FOXP2: variants seen among roughly 807,000 people sequenced by gnomAD.
The protein encoded by FOXP2 is forkhead box protein P2.
A neutral mutation model predicts 115.8 loss-of-function variants in FOXP2; 12 were observed. The ratio of observed to expected loss-of-function variants is 0.10; its 90% CI spans 0.07 to 0.17. FOXP2 has a LOEUF of 0.17. Ranked by LOEUF, FOXP2 falls within the 10% of genes least tolerant of loss-of-function variation. FOXP2 has a pLI of 1.00. For synonymous variants in FOXP2, 328 were observed against 297.7 expected (o/e 1.10, Z -1.05); for missense variants, 629 against 843.5 (o/e 0.75, Z 3.15).
chr7:114,236,841 G>A (rs1400741910), intron 1 of FOXP2, among the ~76,000 whole-genome samples: 1 of 152,066 alleles, frequency 6.6e-6, no homozygotes, highest in African/African-American at 2.4e-5. Context: ...GCTGGGCGTG[G>A]TGGTGGACAC....
At chr7:114,419,548 T>G (rs1793504403) in intron 1 of FOXP2, among the ~76,000 whole-genome samples, 1 of 151,898 alleles carries the variant, frequency 6.6e-6, no homozygotes, top group Non-Finnish European at 1.5e-5. Flanking sequence ...GCTATTTAGA[T>G]CAGACCATGG....
chr7:114,641,777 GTATT>G (rs964386599), intron 6 of FOXP2, among the ~76,000 whole-genome samples: 3 of 151,528 alleles, frequency 2.0e-5, no homozygotes, highest in African/African-American at 4.8e-5. Flanking sequence ...ATTTTTATTT[GTATT>G]TATTTATTTA....
intron 3 of FOXP2, among the ~76,000 whole-genome samples, chr7:114,542,693 G>T (rs750656348): frequency 6.6e-6 from 1 of 152,052 alleles, no homozygotes; most frequent in Non-Finnish European, 1.5e-5. Flanking sequence ...CTAAGATTGT[G>T]CTGATTGTGA....
intron 16 of FOXP2, among the ~76,000 whole-genome samples, chr7:114,677,089 C>T (rs541880056): frequency 6.6e-6 from 1 of 151,648 alleles, no homozygotes; most frequent in South Asian, 2.1e-4. Context: ...TCGCTTGAAC[C>T]CTGGAGGCGG....
intron 1 of FOXP2, among the ~76,000 whole-genome samples, chr7:114,208,959 A>T (rs1794272675): frequency 6.6e-6 from 1 of 151,970 alleles, no homozygotes; most frequent in Non-Finnish European, 1.5e-5. Flanking sequence ...AAAGGGCATG[A>T]TTGTGTTTTG....
At chr7:114,499,033 C>A in intron 2 of FOXP2, 3 of 696,800 alleles carry the variant, frequency 4.3e-6, no homozygotes, top group Non-Finnish European at 5.3e-6. Context: ...CATTCTCAGG[C>A]CACTCCCTAG....
At chr7:114,433,384 A>G (rs550789475) in intron 2 of FOXP2, among the ~76,000 whole-genome samples, 7 of 151,932 alleles carry the variant, frequency 4.6e-5, no homozygotes, top group Non-Finnish European at 7.4e-5. Flanking sequence ...CAAAAATCTA[A>G]CACTTGCCAT....
intron 1 of FOXP2, among the ~76,000 whole-genome samples, chr7:114,283,859 G>A (rs964338751): frequency 1.3e-5 from 2 of 151,920 alleles, no homozygotes; most frequent in African/African-American, 4.8e-5. Flanking sequence ...CTACTTGTGG[G>A]GGCTGAGGTG....
At chr7:114,402,519 G>T (rs1460240971) in intron 2 of FOXP2, among the ~76,000 whole-genome samples, 1 of 152,062 alleles carries the variant, frequency 6.6e-6, no homozygotes, top group Non-Finnish European at 1.5e-5. Flanking sequence ...ATTTGTTGAG[G>T]ACCTACTGGG....
intron 1 of FOXP2, among the ~76,000 whole-genome samples, chr7:114,257,384 G>A (rs1011407494): frequency 2.0e-5 from 3 of 151,636 alleles, no homozygotes; most frequent in Non-Finnish European, 2.9e-5. Context: ...ATAGGCACAG[G>A]CAAAGATTTC....
At chr7:114,572,029 C>T (rs1801331409) in intron 3 of FOXP2, among the ~76,000 whole-genome samples, 1 of 151,672 alleles carries the variant, frequency 6.6e-6, no homozygotes, top group Admixed American at 6.6e-5. Flanking sequence ...AATTAATACT[C>T]ATATACAATC....
chr7:114,198,425 A>AG (rs1236325447), intron 1 of FOXP2, among the ~76,000 whole-genome samples: 1 of 152,148 alleles, frequency 6.6e-6, no homozygotes, highest in Non-Finnish European at 1.5e-5. Context: ...AGAATGCTAT[A>AG]GGGGGGTAGG....
At chr7:114,439,740 T>C (rs1277976287) in intron 2 of FOXP2, among the ~76,000 whole-genome samples, 2 of 151,906 alleles carry the variant, frequency 1.3e-5, no homozygotes, top group East Asian at 3.9e-4. Context: ...TATAGATGTG[T>C]GTGTGTGTGT....
At chr7:114,161,548 T>A (rs551169968), upstream of FOXP2, among the ~76,000 whole-genome samples, 384 of 151,850 alleles carry the variant, frequency 2.5e-3, 1 homozygote, top group African/African-American at 8.9e-3. Context: ...TTTTTTTTTT[T>A]AATAAATACC....
At chr7:114,580,901 C>T (rs925609383) in intron 3 of FOXP2, among the ~76,000 whole-genome samples, 2 of 151,920 alleles carry the variant, frequency 1.3e-5, no homozygotes, top group African/African-American at 2.4e-5. Context: ...ATACAGGAGA[C>T]TAGAGTCCCA....
chr7:114,396,593 C>G (rs555238805), intron 2 of FOXP2, among the ~76,000 whole-genome samples: 1 of 151,794 alleles, frequency 6.6e-6, no homozygotes, highest in East Asian at 1.9e-4. Context: ...ATACTAATTA[C>G]ATTCATATGT....
intron 3 of FOXP2, among the ~76,000 whole-genome samples, chr7:114,597,948 T>C (rs1802814995): frequency 6.6e-6 from 1 of 152,174 alleles, no homozygotes; most frequent in South Asian, 2.1e-4. Context: ...TCAGATACAA[T>C]GCAAAAATGT....
chr7:114,626,506 CTA>C (rs1804593723), intron 3 of FOXP2, among the ~76,000 whole-genome samples: 1 of 151,396 alleles, frequency 6.6e-6, no homozygotes, highest in Non-Finnish European at 1.5e-5. Context: ...AGCTTCTTAT[CTA>C]TGATTAACTT....
At chr7:114,434,938 G>C (rs1459843813) in intron 2 of FOXP2, among the ~76,000 whole-genome samples, 2 of 152,046 alleles carry the variant, frequency 1.3e-5, no homozygotes, top group Non-Finnish European at 2.9e-5. Flanking sequence ...AATTTCACAT[G>C]GCTCATGGAG....
Sources: allele counts gnomAD v4.1 joint callset (sites outside exome capture counted in the v4.1 genomes callset), GRCh38; gene constraint gnomAD v4.1.1; transcripts MANE v1.5; gene names NCBI Gene and HGNC (gene_info 2026-07-23, HGNC 2026-07-21).